Variants in MIAT observed in about 807,000 individuals in gnomAD.
MIAT encodes myocardial infarction associated transcript, also known as MI related novel mRNA.
chr22:26,666,304 A>G, exon 4 of MIAT: 1 of 398,668 alleles, frequency 2.5e-6, no homozygotes, highest in Non-Finnish European at 4.4e-6. Flanking sequence ...TGGTCTTAAA[A>G]GAGTCCTAGT....
chr22:26,675,568 T>TC, exon 5 of MIAT: 1 of 398,602 alleles, frequency 2.5e-6, no homozygotes, highest in Non-Finnish European at 4.4e-6. Flanking sequence ...ATAAACAGAA[T>TC]CCATACATGT....
At chr22:26,661,917 C>CATATATATATAT (rs58654108) in intron 2 of MIAT, among the ~76,000 whole-genome samples, 17 of 80,568 alleles carry the variant, frequency 2.1e-4, no homozygotes, top group South Asian at 4.8e-4. Context: ...TATATAGATC[C>CATATATATATAT]ATATATATAT....
chr22:26,666,261 T>C (rs1930840634), exon 4 of MIAT: 1 of 398,650 alleles, frequency 2.5e-6, no homozygotes, highest in Non-Finnish European at 4.4e-6. Context: ...TTAGTGGTCA[T>C]TCTCTGGTCT....
At chr22:26,648,115 C>T (rs997861777) in intron 2 of MIAT, among the ~76,000 whole-genome samples, 2 of 152,064 alleles carry the variant, frequency 1.3e-5, no homozygotes, top group African/African-American at 2.4e-5. Context: ...CTGGCGGCTG[C>T]GGTCTGCACC....
downstream of MIAT, chr22:26,672,457 A>C: frequency 2.5e-6 from 1 of 399,430 alleles, no homozygotes; most frequent in South Asian, 1.3e-4. Context: ...TCTGAGTATG[A>C]CATCTCTCCT....
rs550086147 is a variant in MIAT, at chr22:26,660,108, T to G, written n.647-3208T>G. Among the ~76,000 whole-genome samples the G allele has an allele frequency of 4.6e-5, 7 of 151,434 alleles. No individual in the cohort carries two copies. In the South Asian group the frequency reaches 1.5e-3, roughly 32 times the overall value. Reference sequence around the variant, plus strand: ...GCCTCAGCCTCCCAAAATGCTGGGATTACAGGCGTGAGCCCCCACACCTGA... The same window carrying G: ...GCCTCAGCCTCCCAAAATGCTGGGAGTACAGGCGTGAGCCCCCACACCTGA... On this transcript the variant is annotated intron_variant and non_coding_transcript_variant, in intron 2 of 5. Transcript: ENST00000643270.
chr22:26,657,207 G>C (rs1489440936), intron 2 of MIAT: 15 of 283,670 alleles, frequency 5.3e-5, no homozygotes, highest in East Asian at 1.8e-4. Context: ...TAATGTGGAC[G>C]GGCAAGCGTT....
chr22:26,675,410 G>A, exon 5 of MIAT: 1 of 398,672 alleles, frequency 2.5e-6, no homozygotes. Context: ...ATCTGAGAAA[G>A]GGAGTTAGTG....
chr22:26,654,664 G>A (rs924114555), intron 2 of MIAT, among the ~76,000 whole-genome samples: 1 of 152,126 alleles, frequency 6.6e-6, no homozygotes, highest in African/African-American at 2.4e-5. Context: ...CTGCACTCCA[G>A]CCTGGGCAAC....
intron 2 of MIAT, chr22:26,657,153 G>T (rs914957503): frequency 5.9e-5 from 12 of 201,764 alleles, no homozygotes; most frequent in African/African-American, 2.1e-4. Context: ...GTCCGCGGTC[G>T]CGCGCAGCCC....
chr22:26,668,897 G>T, exon 6 of MIAT: 1 of 398,680 alleles, frequency 2.5e-6, no homozygotes, highest in Non-Finnish European at 4.4e-6. Context: ...ATCCTGAAAA[G>T]AGAGGGTCTT....
downstream of MIAT, chr22:26,671,818 A>G (rs1411988308): frequency 2.3e-5 from 9 of 398,198 alleles, no homozygotes; most frequent in African/African-American, 1.4e-4. Context: ...GTCTCAGCAC[A>G]TGGCAGACAC....
At chr22:26,666,273 C>T in exon 4 of MIAT, 2 of 398,668 alleles carry the variant, frequency 5.0e-6, no homozygotes, top group African/African-American at 4.1e-5. Flanking sequence ...CTCTGGTCTT[C>T]TCCAGACTGG....
intron 2 of MIAT, among the ~76,000 whole-genome samples, chr22:26,651,867 G>T (rs1377579724): frequency 3.3e-5 from 5 of 152,250 alleles, no homozygotes; most frequent in Non-Finnish European, 5.9e-5. Context: ...TATTTTGGGG[G>T]TGATGAAAAT....
At chr22:26,675,729 C>G (rs1233277189) in exon 5 of MIAT, 13 of 398,652 alleles carry the variant, frequency 3.3e-5, no homozygotes, top group East Asian at 1.1e-4. Context: ...CAGTCATAGG[C>G]TGCAAGTCTA....
In MIAT at chr22:26,660,399, C is replaced by T. The variant is rs558267480; in HGVS notation, n.647-2917C>T. Among the ~76,000 whole-genome samples the T allele has an allele frequency of 2.2e-4, 31 of 140,382 alleles. No homozygotes were observed. The South Asian group carries it at 6.8e-3, about 31-fold the overall frequency. The allele number at this position is 140,382 out of a possible 152,430, so 92.1% of individuals were successfully genotyped here. ...AGGAGGATCACTTGAACCCAGGAGG[C>T]GGAGGTTGCAATAAGCAGAGATTAC... On this transcript the variant is annotated intron_variant and non_coding_transcript_variant, in intron 2 of 5. Coordinates refer to ENST00000643270, the Ensembl canonical transcript of MIAT.
chr22:26,670,175 G>T, downstream of MIAT: 1 of 398,224 alleles, frequency 2.5e-6, no homozygotes, highest in East Asian at 3.6e-5. Flanking sequence ...AGCTTGGGGA[G>T]GTGGCAGCAT....
At chr22:26,667,586 TG>T (rs895325593) in intron 5 of MIAT, 1 of 304,176 alleles carries the variant, frequency 3.3e-6, no homozygotes, top group Non-Finnish European at 6.0e-6. Flanking sequence ...GAGCTTGCTA[TG>T]GGCTCCCTTT....
intron 2 of MIAT, among the ~76,000 whole-genome samples, chr22:26,660,149 T>C (rs765738673): frequency 1.3e-5 from 2 of 151,582 alleles, no homozygotes; most frequent in Admixed American, 1.3e-4. Flanking sequence ...AAACTTCATT[T>C]TCATGTATTT....
Sources: gnomAD v4.1 joint callset for allele counts (sites outside exome capture counted in the v4.1 genomes callset) on GRCh38, gnomAD v4.1.1 for gene constraint, MANE v1.5 for transcripts, NCBI Gene and HGNC (gene_info 2026-07-23, HGNC 2026-07-21) for gene names.